The following MAST3 variants were observed in gnomAD, a reference collection of about 807,000 sequenced individuals.
The protein encoded by MAST3 is microtubule associated serine/threonine kinase 3, also known as microtubule-associated serine/threonine-protein kinase 3.
MAST3 carries 43 observed loss-of-function variants against 127.0 expected under a neutral mutation model. The ratio of observed to expected loss-of-function variants is 0.34; its 90% CI spans 0.27 to 0.44. MAST3 has a LOEUF of 0.44. Among genes scored for constraint, MAST3 ranks in the 20% least tolerant of loss-of-function variants. The probability of loss-of-function intolerance (pLI) is 1.00; values close to 1 mark genes in which losing one functional copy is unlikely to be tolerated. For missense variants in MAST3, 1,390 were observed against 1,919.1 expected (o/e 0.72, Z 5.15); for synonymous variants, 785 against 809.2 (o/e 0.97, Z 0.51).
intron 3 of MAST3, among the ~76,000 whole-genome samples, chr19:18,121,090 A>G (rs1418496204): frequency 6.6e-6 from 1 of 152,104 alleles, no homozygotes; most frequent in Admixed American, 6.6e-5. Context: ...TCCTGACCTC[A>G]GGTGATCCGC....
Position 18,147,560 on chromosome 19 carries a change from C to A in MAST3, c.3444C>A (p.Pro1148=). 1 of 1,588,774 alleles carries A rather than the reference C, an allele frequency of 6.3e-7. No individual in the cohort carries two copies. Among genetic ancestry groups the A allele is most frequent in the Non-Finnish European group, 8.6e-7 (1 of 1,168,332 alleles). Residue 1148 remains proline (P), a synonymous_variant, in exon 27 of 28, where the codon CCC becomes CCA. Transcript: ENST00000687212. ...LSSSESLPGS[P]THSLSPSPTT... ...CCAGTGAGAGCCTCCCCGGCTCGCC[C>A]ACCCACAGCCTCTCCCCCAGCCCCA...
chr19:18,130,706 C>T lies in MAST3; in HGVS notation c.1432+4C>T, dbSNP rs55774461. ...ATGGTCATGGAATACGTGGAAGGTA[C>T]GCTCACTGGGGCTTGCATGCCTCCA... On this transcript the variant is annotated splice_donor_region_variant and intron_variant, in intron 14 of 27. Transcript: ENST00000687212. 22 of 1,612,298 alleles carry T rather than the reference C, an allele frequency of 1.4e-5. No individual in the cohort carries two copies. The highest frequency in any genetic ancestry group is 4.0e-5 in the African/African-American group (3 of 74,890).
At chr19:18,118,045 A>C (rs951093516) in intron 3 of MAST3, 1 of 940,488 alleles carries the variant, frequency 1.1e-6, no homozygotes, top group South Asian at 4.9e-5. Context: ...CCGCCCCCCC[A>C]TCCCCGCAGC....
chr19:18,098,803 C>T, intron 1 of MAST3: 1 of 456,646 alleles, frequency 2.2e-6, no homozygotes, highest in South Asian at 1.5e-5. Context: ...TCTGGAGAGG[C>T]AGCGGAGTGT....
intron 15 of MAST3, among the ~76,000 whole-genome samples, chr19:18,132,426 A>C (rs1238273615): frequency 2.6e-5 from 4 of 152,216 alleles, no homozygotes; most frequent in Non-Finnish European, 5.9e-5. Context: ...TGCACTTATA[A>C]GACACCAACT....
intron 3 of MAST3, among the ~76,000 whole-genome samples, chr19:18,113,820 A>T (rs1263882708): frequency 2.6e-5 from 4 of 151,792 alleles, no homozygotes; most frequent in Non-Finnish European, 5.9e-5. Context: ...CTGGTCTTGA[A>T]CTCCTGACCT....
intron 2 of MAST3, among the ~76,000 whole-genome samples, chr19:18,109,562 AGTG>A (rs2038343007): frequency 1.2e-5 from 1 of 85,494 alleles, no homozygotes; most frequent in Non-Finnish European, 2.8e-5. Context: ...AGAGGGCCAG[AGTG>A]AGACACAGAC....
intron 20 of MAST3, among the ~76,000 whole-genome samples, chr19:18,139,402 G>A (rs1398354569): frequency 1.3e-5 from 2 of 152,130 alleles, no homozygotes; most frequent in African/African-American, 2.4e-5. Context: ...TCGGCTCACC[G>A]CAACCTCTGC....
At position 18,133,077 on chromosome 19, in the gene MAST3, C is replaced by T. The variant is rs563384953; in HGVS notation, c.1571+1030C>T. Reference sequence around the variant, plus strand: ...TCGTGCCACTGCACCCAAGCCTGGGCGACAGAGCGAGACTCCATCTTAAAA... The same window carrying T: ...TCGTGCCACTGCACCCAAGCCTGGGTGACAGAGCGAGACTCCATCTTAAAA... On this transcript the variant is annotated intron_variant, in intron 15 of 27. Transcript: ENST00000687212. Among the ~76,000 whole-genome samples the T allele has an allele frequency of 7.2e-4, 108 of 150,672 alleles. 1 individual carries two copies. In the Middle Eastern group the frequency reaches 0.017, roughly 24 times the overall value.
At position 18,123,638 on chromosome 19, in the gene MAST3, C is replaced by T. The variant is rs1376711309; in HGVS notation, c.616C>T (p.Arg206Trp). The stretch of plus-strand genomic sequence containing the variant: ...GATTGTCATGATGAATCACGTGTAC[C>T]GGGAGAGGTTCCCCAAGGTGGGCAG... The part of the protein sequence containing the change: ...NEIVMMNHVY[R>W]ERFPKATAQM... The change falls in exon 8 of 28, where the codon CGG (arginine) becomes TGG (tryptophan). Residue 206 changes from arginine (R) to tryptophan (W), a missense_variant. By Grantham distance (101) the Arg-to-Trp change is moderately radical. Around this residue, in one of 5 missense-constraint regions of MAST3, gnomAD observed 277 missense variants for 384.8 expected, o/e 0.72. Transcript: ENST00000687212. 1.9e-6 allele frequency: 3 copies of T among 1,586,234 alleles called. No individual in the cohort carries two copies. The highest frequency in any genetic ancestry group is 2.6e-6 in the Non-Finnish European group (3 of 1,167,086).
chr19:18,134,547 C>A, intron 15 of MAST3, 32 bp from the exon 16 acceptor site: 1 of 1,584,908 alleles, frequency 6.3e-7, no homozygotes, highest in Non-Finnish European at 8.6e-7. Context: ...CCCAGCCCCC[C>A]AGCTCTGAGC....
chr19:18,138,754 C>T (rs761639704), intron 19 of MAST3, among the ~76,000 whole-genome samples: 1 of 152,174 alleles, frequency 6.6e-6, no homozygotes, highest in Non-Finnish European at 1.5e-5. Context: ...CCACCTTGGC[C>T]TCTCAAAGTG....
intron 13 of MAST3, among the ~76,000 whole-genome samples, chr19:18,129,922 CA>C (rs58948738): frequency 2.0e-4 from 23 of 116,664 alleles, no homozygotes; most frequent in African/African-American, 2.7e-4. Flanking sequence ...GAGACCATCT[CA>C]AAAAAAAAAA....
intron 17 of MAST3, 59 bp downstream of exon 17, chr19:18,135,041 G>A (rs960576128): frequency 1.6e-5 from 25 of 1,524,982 alleles, no homozygotes; most frequent in African/African-American, 1.2e-4. Context: ...TCTGGGCAGC[G>A]GTCCTCCACC....
At chr19:18,125,353 C>A (rs767420379) in intron 11 of MAST3, among the ~76,000 whole-genome samples, 2 of 152,228 alleles carry the variant, frequency 1.3e-5, no homozygotes, top group African/African-American at 2.4e-5. Flanking sequence ...TGCAAATTCA[C>A]AAATGACTTT....
chr19:18,129,983 C>T (rs1410165822), intron 13 of MAST3, among the ~76,000 whole-genome samples: 1 of 149,908 alleles, frequency 6.7e-6, no homozygotes, highest in Non-Finnish European at 1.5e-5. Context: ...GGTGCAGTGG[C>T]TCTCGCCTAT....
intron 1 of MAST3, among the ~76,000 whole-genome samples, chr19:18,101,878 A>G (rs62121154): frequency 0.12 from 16,755 of 134,060 alleles, 1,205 homozygotes; most frequent in East Asian, 0.16. Flanking sequence ...AATGGCCTCA[A>G]ACTCTTTTTT....
chr19:18,098,903 T>C, intron 1 of MAST3: 1 of 410,412 alleles, frequency 2.4e-6, no homozygotes, highest in South Asian at 1.7e-5. Flanking sequence ...GAGTGATCAG[T>C]TGTGATAAGG....
At position 18,144,970 on chromosome 19, in the gene MAST3, GGAGT is replaced by G; in HGVS notation, c.2813-26_2813-23del. On this transcript the variant is annotated intron_variant, in intron 23 of 27. Coordinates refer to ENST00000687212, the MANE Select transcript of MAST3 (RefSeq NM_001393504.1). This position sits in a 1 kb window ranked among gnomAD's most constrained non-coding sequence, Gnocchi z 4.0. ...GGGGGCCCCAGGGGAGACCTGTGAG[GGAGT>G]GAGTGACCCCCTCCCTAACCCCCTG... The G allele has an allele frequency of 8.5e-7, 1 of 1,175,076 alleles. No individual in the cohort carries two copies. Among genetic ancestry groups the G allele is most frequent in the Non-Finnish European group, 1.3e-6 (1 of 798,664 alleles). 72.8% of individuals were successfully genotyped at this position (1,175,076 alleles called of 1,614,324 possible). A position where few individuals can be genotyped will look rare whatever the true frequency, so the allele number is the denominator to read the frequency against.
Sources: allele counts gnomAD v4.1 joint callset (sites outside exome capture counted in the v4.1 genomes callset), GRCh38; gene constraint gnomAD v4.1.1; regional missense constraint gnomAD v4.1.1; non-coding constraint Gnocchi (gnomAD v3.1); transcripts MANE v1.5; gene names NCBI Gene and HGNC (gene_info 2026-07-23, HGNC 2026-07-21).